Variants in DCP1A observed in about 807,000 individuals in gnomAD.
DCP1A encodes mRNA-decapping enzyme 1A.
DCP1A carries 20 observed loss-of-function variants against 58.0 expected under a neutral mutation model. The ratio of observed to expected loss-of-function variants is 0.34; its 90% CI spans 0.24 to 0.50. The LOEUF is 0.50. Ranked by LOEUF, DCP1A falls within the 20% of genes least tolerant of loss-of-function variation. The pLI is 0.98. For missense variants in DCP1A, 613 were observed against 712.2 expected (o/e 0.86, Z 1.59); for synonymous variants, 285 against 275.1 (o/e 1.04, Z -0.36).
intron 3 of DCP1A, among the ~76,000 whole-genome samples, chr3:53,340,807 A>AG (rs1194321673): frequency 1.3e-5 from 2 of 152,170 alleles, no homozygotes; most frequent in Non-Finnish European, 2.9e-5. Context: ...GTTTCTTGGA[A>AG]GGGCCACTCT....
At chr3:53,315,534 C>CAAA (rs1211486616) in intron 4 of DCP1A, among the ~76,000 whole-genome samples, 191 of 64,696 alleles carry the variant, frequency 3.0e-3, no homozygotes, top group Middle Eastern at 0.013. Flanking sequence ...GACTCTGTCT[C>CAAA]AAAAAAAAAA....
Position 53,347,526 on chromosome 3 carries a change from C to A in DCP1A, c.-9G>T. On this transcript the variant is annotated 5_prime_UTR_variant, in exon 1 of 10. Coordinates refer to ENST00000610213, the MANE Select transcript of DCP1A (RefSeq NM_018403.7). Reference sequence around the variant, plus strand: ...CGACTCAGCGCCTCCATCTTGAATCCCAGAGCCTAGCCCCTCTGGTGGGGG... The same window carrying A: ...CGACTCAGCGCCTCCATCTTGAATCACAGAGCCTAGCCCCTCTGGTGGGGG... 1 of 1,608,018 alleles carries A rather than the reference C, an allele frequency of 6.2e-7. No individual in the cohort carries two copies. The highest frequency in any genetic ancestry group is 8.5e-7 in the Non-Finnish European group (1 of 1,177,048).
At chr3:53,329,166 T>C (rs546655239) in intron 3 of DCP1A, 281 of 393,094 alleles carry the variant, frequency 7.1e-4, no homozygotes, top group African/African-American at 5.1e-3. Context: ...TTGCTCCAAA[T>C]GCCAACAGCC....
intron 4 of DCP1A, among the ~76,000 whole-genome samples, chr3:53,314,765 G>A (rs951110913): frequency 2.8e-5 from 4 of 144,472 alleles, no homozygotes; most frequent in African/African-American, 5.1e-5. Flanking sequence ...TTCGACTCCC[G>A]GGTTCAAGCG....
At chr3:53,329,788 CA>C (rs1360960906) in intron 3 of DCP1A, among the ~76,000 whole-genome samples, 1 of 152,154 alleles carries the variant, frequency 6.6e-6, no homozygotes, top group Non-Finnish European at 1.5e-5. Flanking sequence ...CAAAAAGTGG[CA>C]TTAAGTGGGA....
rs542538231 is a variant in DCP1A, at chr3:53,312,111, C to T, written c.510+130G>A. On this transcript the variant is annotated intron_variant, in intron 5 of 9. Transcript: ENST00000610213. ...GACTGATTACAGGAGTGTGCTAACA[C>T]GCTCTCTTTTTGAACTTATATTTCT... 4,144 of 997,788 alleles carry T rather than the reference C, an allele frequency of 4.2e-3. 191 individuals carry two copies. In the South Asian group the frequency reaches 0.07, roughly 17 times the overall value. The allele number at this position is 997,788 out of a possible 1,614,324, so 61.8% of individuals were successfully genotyped here. A position where few individuals can be genotyped will look rare whatever the true frequency, so the allele number is the denominator to read the frequency against.
At chr3:53,328,545 C>T (rs1489203339) in intron 3 of DCP1A, among the ~76,000 whole-genome samples, 1 of 151,776 alleles carries the variant, frequency 6.6e-6, no homozygotes, top group Admixed American at 6.6e-5. Context: ...ATAAAAAGTG[C>T]TTTTATCTGA....
chr3:53,305,051 G>A (rs1707428638), intron 5 of DCP1A, among the ~76,000 whole-genome samples: 1 of 151,878 alleles, frequency 6.6e-6, no homozygotes, highest in African/African-American at 2.4e-5. Flanking sequence ...CTCCACTCCC[G>A]GCAACTAGGT....
intron 5 of DCP1A, among the ~76,000 whole-genome samples, chr3:53,307,176 T>C (rs1422568388): frequency 2.0e-5 from 3 of 152,062 alleles, no homozygotes; most frequent in Non-Finnish European, 2.9e-5. Flanking sequence ...CTTGAACTCC[T>C]GACCTCAAGC....
At chr3:53,301,017 C>CG (rs1363223532) in intron 6 of DCP1A, among the ~76,000 whole-genome samples, 1 of 151,976 alleles carries the variant, frequency 6.6e-6, no homozygotes, top group African/African-American at 2.4e-5. Context: ...CTGCATTAGG[C>CG]GGTACAATAA....
At chr3:53,326,200 T>C (rs1225451266) in intron 3 of DCP1A, among the ~76,000 whole-genome samples, 1 of 152,194 alleles carries the variant, frequency 6.6e-6, no homozygotes, top group Non-Finnish European at 1.5e-5. Context: ...CCCATTAACA[T>C]TATAATCTCA....
Position 53,342,178 on chromosome 3 carries a change from G to A in DCP1A, c.270C>T (p.Leu90=). The change falls in exon 3 of 10, where the codon CTC becomes CTT. Residue 90 remains leucine, a synonymous_variant. Coordinates refer to ENST00000610213, the MANE Select transcript of DCP1A (RefSeq NM_018403.7). ...TTCTATACAGAAGAAATGGTTCATG[G>A]AGCTGAAATTCCAAATCTTTATTCA... ...EPVNKDLEFQ[L]HEPFLLYRNA... is the part of the protein sequence containing the mutation. The A allele has an allele frequency of 6.2e-7, 1 of 1,604,050 alleles. No individual in the cohort carries two copies. Among genetic ancestry groups the A allele is most frequent in the South Asian group, 1.1e-5 (1 of 89,590 alleles).
intron 5 of DCP1A, among the ~76,000 whole-genome samples, chr3:53,307,738 CAT>C (rs1242548272): frequency 3.3e-5 from 5 of 152,092 alleles, no homozygotes; most frequent in African/African-American, 1.2e-4. Flanking sequence ...ATCTTAAAAA[CAT>C]AAAAATGCTT....
chr3:53,311,340 T>G (rs1388149389), intron 5 of DCP1A, among the ~76,000 whole-genome samples: 2 of 152,170 alleles, frequency 1.3e-5, no homozygotes, highest in African/African-American at 4.8e-5. Context: ...AGTTCAGCAG[T>G]AGAGAGCTTG....
At chr3:53,296,118 C>A (rs1430501971) in intron 6 of DCP1A, among the ~76,000 whole-genome samples, 2 of 152,158 alleles carry the variant, frequency 1.3e-5, no homozygotes, top group Non-Finnish European at 1.5e-5. Flanking sequence ...TCTCAAACTT[C>A]TTCTGACCTC....
rs375836336 is a variant in DCP1A at position 53,287,552 on chromosome 3, C to T, written c.*28G>A. 1.3e-6 allele frequency: 2 copies of T among 1,512,286 alleles called. No individual in the cohort carries two copies. Among genetic ancestry groups the T allele is most frequent in the Admixed American group, 1.7e-5 (1 of 59,734 alleles). The allele number at this position is 1,512,286 out of a possible 1,614,324, so 93.7% of individuals were successfully genotyped here. A position where few individuals can be genotyped will look rare whatever the true frequency, so the allele number is the denominator to read the frequency against. On this transcript the variant is annotated 3_prime_UTR_variant, in exon 10 of 10. Transcript: ENST00000610213. ...AGCCTATTTGTCTCTGAGGCTGGGG[C>T]TCTGCCTTTAGACTTATTCTGCTCC...
intron 8 of DCP1A, chr3:53,290,544 G>A (rs1435763689): frequency 9.8e-6 from 6 of 611,180 alleles, no homozygotes; most frequent in Non-Finnish European, 1.4e-5. Context: ...AGATGTGCTG[G>A]GCTCCATAGC....
intron 4 of DCP1A, among the ~76,000 whole-genome samples, chr3:53,313,653 A>G (rs1707714899): frequency 1.3e-5 from 2 of 151,910 alleles, no homozygotes; most frequent in Non-Finnish European, 2.9e-5. Flanking sequence ...GGCCAGGCAC[A>G]GTGCTCATGC....
At chr3:53,322,912 C>T (rs781773001) in intron 3 of DCP1A, among the ~76,000 whole-genome samples, 9 of 151,814 alleles carry the variant, frequency 5.9e-5, no homozygotes, top group Non-Finnish European at 8.8e-5. Flanking sequence ...CCCGTGTTCA[C>T]GCCATTCTCC....
Sources: gnomAD v4.1 joint callset for allele counts (sites outside exome capture counted in the v4.1 genomes callset) on GRCh38, gnomAD v4.1.1 for gene constraint, MANE v1.5 for transcripts, NCBI Gene and HGNC (gene_info 2026-07-23, HGNC 2026-07-21) for gene names.